Variants in CDH10 observed in about 807,000 individuals in gnomAD.
CDH10 encodes the protein cadherin 10, also known as cadherin-10.
CDH10 carries 30 observed loss-of-function variants against 73.1 expected under a neutral mutation model. The observed-to-expected ratio is 0.41, with a 90% CI of 0.31 to 0.56. CDH10 has a LOEUF of 0.56. Ranked by LOEUF, CDH10 falls within the 20% of genes least tolerant of loss-of-function variation. The probability of loss-of-function intolerance (pLI) is 0.27; values close to 1 mark genes in which losing one functional copy is unlikely to be tolerated. For synonymous variants in CDH10, 345 were observed against 348.2 expected (o/e 0.99, Z 0.10); for missense variants, 815 against 973.7 (o/e 0.84, Z 2.17).
At chr5:24,630,945 T>C (rs753823353) in intron 1 of CDH10, among the ~76,000 whole-genome samples, 6 of 152,148 alleles carry the variant, frequency 3.9e-5, no homozygotes, top group Non-Finnish European at 7.4e-5. Context: ...GCAGCAACAT[T>C]ATTGTTCCAT....
chr5:24,633,556 T>C (rs755408138), intron 1 of CDH10, among the ~76,000 whole-genome samples: 5 of 151,900 alleles, frequency 3.3e-5, no homozygotes, highest in Non-Finnish European at 5.9e-5. Context: ...CCCTGGTTTC[T>C]TTGTGTTGAA....
At chr5:24,629,218 T>G (rs1747618755) in intron 1 of CDH10, among the ~76,000 whole-genome samples, 1 of 152,206 alleles carries the variant, frequency 6.6e-6, no homozygotes, top group South Asian at 2.1e-4. Flanking sequence ...TCAATGTATT[T>G]AGAAAACTTT....
intron 8 of CDH10, chr5:24,499,193 G>T (rs183760875): frequency 6.6e-6 from 1 of 152,330 alleles, no homozygotes; most frequent in African/African-American, 2.4e-5. Context: ...CAAACTAGTT[G>T]GGAAATTTAT....
At chr5:24,595,710 C>A (rs191224189) in intron 1 of CDH10, among the ~76,000 whole-genome samples, 3 of 152,044 alleles carry the variant, frequency 2.0e-5, no homozygotes, top group Admixed American at 6.6e-5. Context: ...TCTACAAAAG[C>A]TTTAAAACCT....
chr5:24,545,309 C>G (rs1278556420), intron 2 of CDH10, among the ~76,000 whole-genome samples: 2 of 152,174 alleles, frequency 1.3e-5, no homozygotes, highest in African/African-American at 2.4e-5. Context: ...TATATGTACA[C>G]AGGTGTCTAG....
At chr5:24,557,424 G>C (rs1365606685) in intron 2 of CDH10, among the ~76,000 whole-genome samples, 1 of 150,614 alleles carries the variant, frequency 6.6e-6, no homozygotes, top group Non-Finnish European at 1.5e-5. Context: ...TTCATTTTTA[G>C]TAAAACAGAA....
intron 1 of CDH10, among the ~76,000 whole-genome samples, chr5:24,639,748 A>C (rs1015750261): frequency 1.3e-5 from 2 of 151,806 alleles, no homozygotes; most frequent in African/African-American, 4.8e-5. Flanking sequence ...CTTTCTAGAA[A>C]CATGTAATTT....
chr5:24,553,796 T>C (rs13156886), intron 2 of CDH10, among the ~76,000 whole-genome samples: 43,826 of 151,888 alleles, frequency 0.29, 6,568 homozygotes, highest in Admixed American at 0.33. Context: ...CTTGAATATT[T>C]TGTAATGGAG....
intron 11 of CDH10, 119 bp downstream of exon 11, chr5:24,491,457 A>G: frequency 2.7e-6 from 2 of 737,266 alleles, no homozygotes; most frequent in South Asian, 2.0e-5. Flanking sequence ...TCACAAAGTT[A>G]ATTTATGTCT....
At chr5:24,490,421 C>G (rs1048744927) in intron 11 of CDH10, among the ~76,000 whole-genome samples, 1 of 67,020 alleles carries the variant, frequency 1.5e-5, no homozygotes, top group Admixed American at 1.5e-4. Context: ...TTCATAGTAA[C>G]AAATTATAAA....
intron 1 of CDH10, among the ~76,000 whole-genome samples, chr5:24,642,930 T>G (rs1325204742): frequency 6.6e-6 from 1 of 151,116 alleles, no homozygotes; most frequent in African/African-American, 2.4e-5. Flanking sequence ...CCAAGAAGTA[T>G]CTGATTTAAT....
chr5:24,627,324 T>C (rs1330764297), intron 1 of CDH10, among the ~76,000 whole-genome samples: 1 of 152,162 alleles, frequency 6.6e-6, no homozygotes, highest in African/African-American at 2.4e-5. Context: ...ATGACATATT[T>C]GGTGTACTCT....
In CDH10 at chr5:24,510,180, A is replaced by C. The variant is rs573802070; in HGVS notation, c.1003-361T>G. The stretch of plus-strand genomic sequence containing the variant: ...CGTGCAAAGGTGTTAGCTACTGCTA[A>C]ATTTTTCTAAGTAAATACATGCAGT... On this transcript the variant is annotated intron_variant, in intron 6 of 11. Coordinates refer to ENST00000264463, the MANE Select transcript of CDH10 (RefSeq NM_006727.5). Among the ~76,000 whole-genome samples the C allele has an allele frequency of 2.0e-5, 3 of 152,306 alleles. No homozygotes were observed. In the East Asian group the frequency reaches 5.8e-4, roughly 29 times the overall value.
At chr5:24,499,168 T>C (rs1742400935) in intron 8 of CDH10, among the ~76,000 whole-genome samples, 2 of 152,230 alleles carry the variant, frequency 1.3e-5, no homozygotes, top group Non-Finnish European at 2.9e-5. Flanking sequence ...TTTTATTATA[T>C]GGCTACTTAT....
chr5:24,604,898 A>AACAAACAAAC (rs1406369061), intron 1 of CDH10, among the ~76,000 whole-genome samples: 1 of 147,498 alleles, frequency 6.8e-6, no homozygotes, highest in African/African-American at 2.6e-5. Context: ...AAAAAAAACA[A>AACAAACAAAC]AAACAAACAA....
intron 7 of CDH10, among the ~76,000 whole-genome samples, chr5:24,508,372 T>G (rs546881893): frequency 7.2e-5 from 11 of 152,284 alleles, no homozygotes; most frequent in Admixed American, 6.5e-4. Flanking sequence ...AAACAAGAAT[T>G]GAAAAGACTC....
At position 24,492,851 on chromosome 5, in the gene CDH10, A is replaced by T; in HGVS notation, c.1590T>A (p.Ala530=). Residue 530 remains alanine (A), a synonymous_variant, in exon 10 of 12, where the codon GCT becomes GCA. Coordinates refer to ENST00000264463, the MANE Select transcript of CDH10 (RefSeq NM_006727.5). Reference sequence around the variant, plus strand: ...CCTGTACTGTGAAGTTTGGATTGACAGCAGCTAAACTGAAAAAAAATTTCT... The same window carrying T: ...CCTGTACTGTGAAGTTTGGATTGACTGCAGCTAAACTGAAAAAAAATTTCT... ...GGQKFFFSLA[A]VNPNFTVQDN... is the part of the protein sequence containing the mutation. 6.4e-7 allele frequency: 1 copy of T among 1,562,478 alleles called. No homozygotes were observed. Among genetic ancestry groups the T allele is most frequent in the African/African-American group, 1.4e-5 (1 of 73,992 alleles).
chr5:24,565,895 T>C (rs776520844), intron 2 of CDH10, among the ~76,000 whole-genome samples: 1 of 152,114 alleles, frequency 6.6e-6, no homozygotes, highest in Non-Finnish European at 1.5e-5. Flanking sequence ...GATCTGGAAC[T>C]ATTAGCCTCC....
intron 2 of CDH10, among the ~76,000 whole-genome samples, chr5:24,569,992 C>T (rs530660583): frequency 1.2e-4 from 19 of 152,036 alleles, no homozygotes; most frequent in Admixed American, 1.0e-3. Context: ...TCTCGAACTC[C>T]TAACCTCAGG....
Sources: gnomAD v4.1 joint callset for allele counts (sites outside exome capture counted in the v4.1 genomes callset) on GRCh38, gnomAD v4.1.1 for gene constraint, MANE v1.5 for transcripts, NCBI Gene and HGNC (gene_info 2026-07-23, HGNC 2026-07-21) for gene names.